The following FKBP1A variants were observed in gnomAD, a reference collection of about 807,000 sequenced individuals.
FKBP1A encodes FKBP prolyl isomerase 1A.
Under a neutral mutation model 14.2 loss-of-function variants are expected in FKBP1A, and 5 were observed. The observed-to-expected ratio is 0.35, with a 90% CI of 0.18 to 0.74. The LOEUF is 0.74. FKBP1A is among the 30% of genes least tolerant of loss of function. FKBP1A has a pLI of 0.56. For missense variants in FKBP1A, 53 were observed against 138.8 expected, an observed-to-expected ratio of 0.38 and a Z score of 3.10; for synonymous variants, 42 against 49.1, an observed-to-expected ratio of 0.86 and a Z score of 0.60.
At chr20:1,384,628 A>G (rs2089650978) in intron 2 of FKBP1A, among the ~76,000 whole-genome samples, 1 of 152,178 alleles carries the variant, frequency 6.6e-6, no homozygotes, top group South Asian at 2.1e-4. Flanking sequence ...ATGGGTAAAA[A>G]GGGATTCTAC....
chr20:1,371,120 C>T (rs997799445), intron 4 of FKBP1A: 38 of 985,304 alleles, frequency 3.9e-5, no homozygotes, highest in Non-Finnish European at 4.0e-5. Flanking sequence ...GTGTCCTCAC[C>T]CAGGCCTTGG....
intron 2 of FKBP1A, chr20:1,378,069 C>T (rs993673387): frequency 5.4e-5 from 7 of 130,300 alleles, no homozygotes; most frequent in African/African-American, 1.8e-4. Flanking sequence ...CACTACTTTA[C>T]CTGCTGTGAA....
intron 2 of FKBP1A, among the ~76,000 whole-genome samples, chr20:1,380,788 T>C (rs186413923): frequency 4.6e-4 from 70 of 152,266 alleles, no homozygotes; most frequent in African/African-American, 1.6e-3. Flanking sequence ...TATCAATCAA[T>C]TGAAAGCAAC....
chr20:1,379,778 C>T lies in FKBP1A; in HGVS notation c.86-4175G>A, dbSNP rs1444789133. Among the ~76,000 whole-genome samples the T allele has an allele frequency of 1.3e-5, 2 of 152,056 alleles. No individual in the cohort carries two copies. The highest frequency in any genetic ancestry group is 2.9e-5 in the Non-Finnish European group (2 of 68,018). ...GTCCGAAAGCTAAACAATAATCCCCCGAAATGGGTGGGGTGGTATGTGATT... is the reference window on the plus strand; with the variant it reads ...GTCCGAAAGCTAAACAATAATCCCCTGAAATGGGTGGGGTGGTATGTGATT... On this transcript the variant is annotated intron_variant, in intron 2 of 4. Transcript: ENST00000400137. This position sits in a 1 kb window ranked among gnomAD's most constrained non-coding sequence, Gnocchi z 4.3.
intron 2 of FKBP1A, among the ~76,000 whole-genome samples, chr20:1,376,262 C>T (rs117460309): frequency 0.023 from 3,434 of 152,328 alleles, 59 homozygotes; most frequent in Non-Finnish European, 0.032. Context: ...AACAGGGAAC[C>T]TGGGGCGTAA....
chr20:1,369,739 A>C lies in FKBP1A; in HGVS notation c.*370T>G. ...TCTTGCAAACCCCCCCCCCAACACCAATTCCTATTCTAATGTTAACCTACC... is the reference window on the plus strand; with the variant it reads ...TCTTGCAAACCCCCCCCCCAACACCCATTCCTATTCTAATGTTAACCTACC... On this transcript the variant is annotated 3_prime_UTR_variant, in exon 5 of 5. Transcript: ENST00000400137. 1 of 209,960 alleles carries C rather than the reference A, an allele frequency of 4.8e-6. No homozygotes were observed. Among genetic ancestry groups the C allele is most frequent in the East Asian group, 1.6e-4 (1 of 6,226 alleles). 13.0% of individuals were successfully genotyped at this position (209,960 alleles called of 1,614,324 possible).
chr20:1,392,887 G>A lies in FKBP1A; in HGVS notation c.38-6C>T. On this transcript the variant is annotated splice_region_variant and splice_polypyrimidine_tract_variant and intron_variant, in intron 1 of 4. Coordinates refer to ENST00000400137, the MANE Select transcript of FKBP1A (RefSeq NM_000801.5). Reference sequence around the variant, plus strand: ...GCGCTTGGGGAAGGTGCGCCCTGAGGAGACAGAGACGGGCATGCTGAGCCG... The same window carrying A: ...GCGCTTGGGGAAGGTGCGCCCTGAGAAGACAGAGACGGGCATGCTGAGCCG... 3 of 1,487,836 alleles carry A rather than the reference G, an allele frequency of 2.0e-6. No homozygotes were observed. The highest frequency in any genetic ancestry group is 2.7e-6 in the Non-Finnish European group (3 of 1,112,674). The allele number at this position is 1,487,836 out of a possible 1,614,324, so 92.2% of individuals were successfully genotyped here. A position where few individuals can be genotyped will look rare whatever the true frequency, so the allele number is the denominator to read the frequency against.
chr20:1,377,575 A>T (rs762258940), intron 2 of FKBP1A: 17 of 152,222 alleles, frequency 1.1e-4, no homozygotes, highest in Non-Finnish European at 2.1e-4. Flanking sequence ...ACCTGGGAGA[A>T]AAACAGGTCT....
rs2089666516 is a variant in FKBP1A, at chr20:1,386,078, C to T, written c.85+6756G>A. 6.6e-6 allele frequency among the ~76,000 whole-genome samples: 1 copy of T among 152,248 alleles called. No individual in the cohort carries two copies. The highest frequency in any genetic ancestry group is 2.1e-4 in the South Asian group (1 of 4,834). Reference sequence around the variant, plus strand: ...ACTCCTAAATTCTTGGTAGCCAGGACAGTGTCTTGTACATAGCAGACATTC... The same window carrying T: ...ACTCCTAAATTCTTGGTAGCCAGGATAGTGTCTTGTACATAGCAGACATTC... On this transcript the variant is annotated intron_variant, in intron 2 of 4. Coordinates refer to ENST00000400137, the MANE Select transcript of FKBP1A (RefSeq NM_000801.5). This position sits in a 1 kb window ranked among gnomAD's most constrained non-coding sequence, Gnocchi z 4.7.
chr20:1,390,837 T>C (rs2089727329), intron 2 of FKBP1A, among the ~76,000 whole-genome samples: 1 of 152,204 alleles, frequency 6.6e-6, no homozygotes, highest in Non-Finnish European at 1.5e-5. Flanking sequence ...GGCGTCTTTA[T>C]AGGGCTTATC....
chr20:1,372,102 G>A lies in FKBP1A; in HGVS notation c.*10C>T. 6.2e-7 allele frequency: 1 copy of A among 1,613,418 alleles called. No homozygotes were observed. The stretch of plus-strand genomic sequence containing the variant: ...CAAGAACAGGGAGCTAAGGGAGGAG[G>A]CCATTCCTGTCATTCCAGTTTTAGA... On this transcript the variant is annotated 3_prime_UTR_variant, in exon 4 of 5. Coordinates refer to ENST00000400137, the MANE Select transcript of FKBP1A (RefSeq NM_000801.5).
In FKBP1A at chr20:1,386,942, A is replaced by C. The variant is rs1263695806; in HGVS notation, c.85+5892T>G. Among the ~76,000 whole-genome samples the C allele has an allele frequency of 2.6e-5, 4 of 152,248 alleles. No homozygotes were observed. Among genetic ancestry groups the C allele is most frequent in the African/African-American group, 7.2e-5 (3 of 41,464 alleles). On this transcript the variant is annotated intron_variant, in intron 2 of 4. Coordinates refer to ENST00000400137, the MANE Select transcript of FKBP1A (RefSeq NM_000801.5). The surrounding 1 kb of genome is among the most constrained non-coding windows in gnomAD (Gnocchi z 4.7). ...ACAAAAAAACAGAAGAAAAAATAGA[A>C]GTAAAAATAAACAAATGTCACCATG...
rs940260555 is a variant in FKBP1A at position 1,370,868 on chromosome 20, C to G, written c.*37-796G>C. 3 of 985,304 alleles carry G rather than the reference C, an allele frequency of 3.0e-6. No individual in the cohort carries two copies. The African/African-American group carries it at 5.2e-5, about 17-fold the overall frequency. The allele number at this position is 985,304 out of a possible 1,614,324, so 61.0% of individuals were successfully genotyped here. A position where few individuals can be genotyped will look rare whatever the true frequency, so the allele number is the denominator to read the frequency against. On this transcript the variant is annotated intron_variant, in intron 4 of 4. Coordinates refer to ENST00000400137, the MANE Select transcript of FKBP1A (RefSeq NM_000801.5). ...CAGGAAAGGGATTTTGGCCTAGGTG[C>G]AGACCTCTGGGCAGACAAAGGCCCT...
chr20:1,370,586 T>C (rs2089450672), intron 4 of FKBP1A: 13 of 985,306 alleles, frequency 1.3e-5, no homozygotes, highest in Non-Finnish European at 1.6e-5. Context: ...GGAAAATATC[T>C]CCAGTATTCA....
chr20:1,390,514 C>CT (rs1469407197), intron 2 of FKBP1A, among the ~76,000 whole-genome samples: 1 of 152,122 alleles, frequency 6.6e-6, no homozygotes, highest in Admixed American at 6.6e-5. Flanking sequence ...GAGATGAGAA[C>CT]TAGAGGCATC....
At chr20:1,375,801 C>G (rs1258884936) in intron 2 of FKBP1A, among the ~76,000 whole-genome samples, 198 bp from the exon 3 acceptor site, 2 of 152,054 alleles carry the variant, frequency 1.3e-5, no homozygotes, top group Non-Finnish European at 2.9e-5. Context: ...GAATGCTCTT[C>G]CCTGACTCCA....
chr20:1,370,060 C>T lies in FKBP1A; in HGVS notation c.*49G>A. The T allele has an allele frequency of 2.6e-6, 4 of 1,549,816 alleles. No homozygotes were observed. Among genetic ancestry groups the T allele is most frequent in the Non-Finnish European group, 3.5e-6 (4 of 1,146,930 alleles). ...GCACATGTCTGGAGGCACCAGATCC[C>T]TCCATGGCAGATCTGTTGGGGACAG... is the stretch of plus-strand genomic sequence containing the variant. On this transcript the variant is annotated 3_prime_UTR_variant, in exon 5 of 5. Coordinates refer to ENST00000400137, the MANE Select transcript of FKBP1A (RefSeq NM_000801.5).
In FKBP1A at chr20:1,392,752, G is replaced by C. The variant is rs2089755174; in HGVS notation, c.85+82C>G. On this transcript the variant is annotated intron_variant, in intron 2 of 4. Coordinates refer to ENST00000400137, the MANE Select transcript of FKBP1A (RefSeq NM_000801.5). ...CGCCACGCCCCGGACCCCAGGCCCC[G>C]GGCCCCCAGGCCTCGACGGCCAGCC... The C allele has an allele frequency of 2.8e-6, 3 of 1,073,360 alleles. No individual in the cohort carries two copies. The South Asian group carries it at 6.9e-5, about 25-fold the overall frequency. The allele number at this position is 1,073,360 out of a possible 1,614,324, so 66.5% of individuals were successfully genotyped here.
rs2089591166 is a variant in FKBP1A at position 1,379,298 on chromosome 20, C to G, written c.86-3695G>C. ...CTTTGCCTGAGGTGAGATACTTCAACTATCTATCTGACTGGTACCAGGCTA... is the reference window on the plus strand; with the variant it reads ...CTTTGCCTGAGGTGAGATACTTCAAGTATCTATCTGACTGGTACCAGGCTA... On this transcript the variant is annotated intron_variant, in intron 2 of 4. Transcript: ENST00000400137. The surrounding 1 kb of genome is among the most constrained non-coding windows in gnomAD (Gnocchi z 4.3). Among the ~76,000 whole-genome samples, 3 of 152,186 alleles carry G rather than the reference C, an allele frequency of 2.0e-5. No individual in the cohort carries two copies. Among genetic ancestry groups the G allele is most frequent in the Non-Finnish European group, 1.5e-5 (1 of 68,032 alleles).
Sources: gnomAD v4.1 joint callset for allele counts (sites outside exome capture counted in the v4.1 genomes callset) on GRCh38, gnomAD v4.1.1 for gene constraint, Gnocchi (gnomAD v3.1) non-coding constraint, MANE v1.5 for transcripts, NCBI Gene and HGNC (gene_info 2026-07-23, HGNC 2026-07-21) for gene names.